The following PDE4D variants were observed in gnomAD, a reference collection of about 807,000 sequenced individuals.
The protein encoded by PDE4D is phosphodiesterase 4D.
In PDE4D, 24 loss-of-function variants were observed where a neutral mutation model predicts 87.4. The ratio of observed to expected loss-of-function variants is 0.27; its 90% CI spans 0.20 to 0.39. PDE4D has a LOEUF of 0.39. PDE4D is among the 10% of genes least tolerant of loss of function. The probability of loss-of-function intolerance (pLI) is 1.00; values close to 1 mark genes in which losing one functional copy is unlikely to be tolerated. For synonymous variants in PDE4D, 384 were observed against 383.2 expected (o/e 1.00, Z -0.02); for missense variants, 714 against 1,041.0 (o/e 0.69, Z 4.32).
chr5:60,053,464 G>T (rs939219571), intron 2 of PDE4D, among the ~76,000 whole-genome samples: 4 of 152,164 alleles, frequency 2.6e-5, no homozygotes, highest in Non-Finnish European at 4.4e-5. Flanking sequence ...TTAATAAATG[G>T]TGTTGGGGAA....
At chr5:60,380,476 G>C (rs1156645881) in intron 1 of PDE4D, among the ~76,000 whole-genome samples, 1 of 152,182 alleles carries the variant, frequency 6.6e-6, no homozygotes, top group Non-Finnish European at 1.5e-5. Flanking sequence ...CCATTTTATG[G>C]TTCTATAATA....
rs74434827 is a variant in PDE4D, at chr5:59,143,993, C to A, written c.808+36602G>T. Among the ~76,000 whole-genome samples, 467 of 152,304 alleles carry A rather than the reference C, an allele frequency of 3.1e-3. 10 individuals carry two copies. In the East Asian group the frequency reaches 0.056, roughly 18 times the overall value. On this transcript the variant is annotated intron_variant, in intron 5 of 14. Coordinates refer to ENST00000340635, the MANE Select transcript of PDE4D (RefSeq NM_001104631.2). ...AGAATAAGGCAAAGGTACTTTAACT[C>A]CTTCACAATCACATGTTTTCACTTT...
At chr5:59,637,152 C>A (rs577401987) in intron 1 of PDE4D, among the ~76,000 whole-genome samples, 3 of 152,278 alleles carry the variant, frequency 2.0e-5, no homozygotes, top group African/African-American at 7.2e-5. Flanking sequence ...AAAAGCTCAT[C>A]ATCACTGGTC....
At chr5:60,340,923 T>C (rs1038214872) in intron 1 of PDE4D, among the ~76,000 whole-genome samples, 1 of 152,222 alleles carries the variant, frequency 6.6e-6, no homozygotes, top group African/African-American at 2.4e-5. Flanking sequence ...CTATGAGTTT[T>C]TATTCGGAAC....
At chr5:59,670,140 A>G (rs1253536062) in intron 1 of PDE4D, among the ~76,000 whole-genome samples, 1 of 152,168 alleles carries the variant, frequency 6.6e-6, no homozygotes, top group Non-Finnish European at 1.5e-5. Flanking sequence ...CTTGTTTCTC[A>G]GTTTTCTCCT....
chr5:59,693,177 G>GA (rs999251677), intron 1 of PDE4D, among the ~76,000 whole-genome samples: 1 of 151,328 alleles, frequency 6.6e-6, no homozygotes, highest in Non-Finnish European at 1.5e-5. Flanking sequence ...ATAACTGAAG[G>GA]AAAAAAATAG....
intron 1 of PDE4D, among the ~76,000 whole-genome samples, chr5:60,193,829 C>A (rs1336454246): frequency 6.6e-6 from 1 of 151,382 alleles, no homozygotes; most frequent in Non-Finnish European, 1.5e-5. Flanking sequence ...CTATTTGAGC[C>A]TCTTAATGTC....
intron 1 of PDE4D, among the ~76,000 whole-genome samples, chr5:59,648,194 G>A (rs907291341): frequency 6.6e-5 from 10 of 152,074 alleles, no homozygotes; most frequent in South Asian, 2.1e-4. Flanking sequence ...CACACATCAC[G>A]AGAGAGAGAA....
intron 1 of PDE4D, chr5:60,262,551 C>T (rs372049833): frequency 6.6e-6 from 1 of 152,122 alleles, no homozygotes; most frequent in African/African-American, 2.4e-5. Flanking sequence ...ACACAGAAAG[C>T]CTCTCTTTAT....
At chr5:60,480,702 A>C (rs1748664361) in intron 1 of PDE4D, among the ~76,000 whole-genome samples, 3 of 152,160 alleles carry the variant, frequency 2.0e-5, no homozygotes, top group Admixed American at 2.0e-4. Context: ...CTTTATACCT[A>C]TATGTGGACT....
intron 1 of PDE4D, among the ~76,000 whole-genome samples, chr5:60,396,114 G>T (rs1762867260): frequency 6.6e-6 from 1 of 152,190 alleles, no homozygotes; most frequent in African/African-American, 2.4e-5. Context: ...ACCCAAAGGG[G>T]GCACTGCTCT....
At chr5:59,990,418 C>T (rs552462932) in intron 2 of PDE4D, among the ~76,000 whole-genome samples, 1 of 152,094 alleles carries the variant, frequency 6.6e-6, no homozygotes, top group East Asian at 1.9e-4. Context: ...TTTTGTCTTC[C>T]TGATTTATAT....
intron 6 of PDE4D, among the ~76,000 whole-genome samples, chr5:59,023,265 C>T (rs1755563558): frequency 6.6e-6 from 1 of 151,818 alleles, no homozygotes; most frequent in Admixed American, 6.6e-5. Context: ...ACCAATACAA[C>T]ATCCAGAAAA....
In PDE4D at chr5:59,767,309, T is replaced by C. The variant is rs569806961; in HGVS notation, c.455+125859A>G. Among the ~76,000 whole-genome samples the C allele has an allele frequency of 2.0e-5, 3 of 152,296 alleles. No homozygotes were observed. The East Asian group carries it at 5.8e-4, about 29-fold the overall frequency. On this transcript the variant is annotated intron_variant, in intron 1 of 14. Transcript: ENST00000340635. ...TATACTCATCTTATCAAAATGTAGA[T>C]GTAATGTATAGAACCTACTACTACC...
chr5:60,277,605 G>C (rs184822595), intron 1 of PDE4D, among the ~76,000 whole-genome samples: 1 of 152,046 alleles, frequency 6.6e-6, no homozygotes, highest in East Asian at 1.9e-4. Flanking sequence ...ATTTTGCTAA[G>C]AGAATAGATT....
At chr5:59,717,733 C>T (rs897213577) in intron 1 of PDE4D, among the ~76,000 whole-genome samples, 2 of 152,164 alleles carry the variant, frequency 1.3e-5, no homozygotes, top group African/African-American at 4.8e-5. Context: ...CCAGCTAGCA[C>T]AGACAAGCCC....
At chr5:60,372,051 A>G (rs1761073946) in intron 1 of PDE4D, among the ~76,000 whole-genome samples, 1 of 151,726 alleles carries the variant, frequency 6.6e-6, no homozygotes, top group Non-Finnish European at 1.5e-5. Context: ...AATGGTTTTC[A>G]TAGATACTGA....
chr5:60,033,852 CAG>C (rs1306668658), intron 2 of PDE4D, among the ~76,000 whole-genome samples: 2 of 152,178 alleles, frequency 1.3e-5, no homozygotes. Flanking sequence ...ATGTGGGAAA[CAG>C]AGAGTTTGCT....
intron 1 of PDE4D, among the ~76,000 whole-genome samples, chr5:59,597,318 G>A (rs1377704718): frequency 2.6e-5 from 4 of 152,110 alleles, no homozygotes; most frequent in Non-Finnish European, 4.4e-5. Flanking sequence ...ATGATCAAGT[G>A]GCTTAAATTA....
Sources: allele counts gnomAD v4.1 joint callset (sites outside exome capture counted in the v4.1 genomes callset), GRCh38; gene constraint gnomAD v4.1.1; transcripts MANE v1.5; gene names NCBI Gene and HGNC (gene_info 2026-07-23, HGNC 2026-07-21).